Variants in DLC1 observed in about 807,000 individuals in gnomAD.
DLC1 encodes rho GTPase-activating protein 7.
A neutral mutation model predicts 140.3 loss-of-function variants in DLC1; 54 were observed. That is an observed-to-expected ratio of 0.38 (90% CI 0.31 to 0.48). The LOEUF (loss-of-function observed/expected upper bound fraction) is 0.48. DLC1 is among the 20% of genes least tolerant of loss of function. The pLI is 0.96. For synonymous variants in DLC1, 986 were observed against 728.1 expected (o/e 1.35, Z -5.70); for missense variants, 2,536 against 1,907.0 (o/e 1.33, Z -6.14).
chr8:13,364,916 C>G (rs1835407726), intron 4 of DLC1, among the ~76,000 whole-genome samples: 1 of 152,154 alleles, frequency 6.6e-6, no homozygotes, highest in Admixed American at 6.5e-5. Context: ...AATATAATTG[C>G]AATGTTTGTT....
chr8:13,302,240 A>T (rs1260382076), intron 5 of DLC1, among the ~76,000 whole-genome samples: 2 of 152,182 alleles, frequency 1.3e-5, no homozygotes, highest in Non-Finnish European at 2.9e-5. Flanking sequence ...TGCCTGCCTG[A>T]TGGGATATCC....
At chr8:13,253,010 T>C (rs577352777) in intron 5 of DLC1, among the ~76,000 whole-genome samples, 1 of 152,282 alleles carries the variant, frequency 6.6e-6, no homozygotes, top group East Asian at 1.9e-4. Flanking sequence ...CTAGAATAGG[T>C]TCACAAACAG....
intron 2 of DLC1, among the ~76,000 whole-genome samples, chr8:13,474,998 A>T (rs1263672255): frequency 6.6e-6 from 1 of 152,144 alleles, no homozygotes; most frequent in African/African-American, 2.4e-5. Context: ...GTGGTTGTTG[A>T]GAAAGAGTTT....
At chr8:13,447,310 A>G (rs1464146634) in intron 2 of DLC1, among the ~76,000 whole-genome samples, 2 of 152,222 alleles carry the variant, frequency 1.3e-5, no homozygotes, top group African/African-American at 4.8e-5. Flanking sequence ...TTAATATTAC[A>G]TAATTCTTAT....
At chr8:13,267,529 T>C (rs17128014) in intron 5 of DLC1, among the ~76,000 whole-genome samples, 12,369 of 152,176 alleles carry the variant, frequency 0.081, 575 homozygotes, top group South Asian at 0.17. Context: ...AATTTGAGAA[T>C]TGTCTACAAA....
chr8:13,180,430 C>A (rs1461078447), intron 5 of DLC1, among the ~76,000 whole-genome samples: 1 of 152,054 alleles, frequency 6.6e-6, no homozygotes, highest in African/African-American at 2.4e-5. Context: ...AAGTTCATAG[C>A]CTGCTTAAGC....
At chr8:13,503,232 T>G (rs6986861) in intron 1 of DLC1, among the ~76,000 whole-genome samples, 2 of 151,992 alleles carry the variant, frequency 1.3e-5, no homozygotes, top group East Asian at 3.9e-4. Context: ...AGAGAGATGA[T>G]GTTTCTACAA....
At chr8:13,103,412 T>C (rs972001567) in intron 7 of DLC1, among the ~76,000 whole-genome samples, 3 of 152,146 alleles carry the variant, frequency 2.0e-5, no homozygotes, top group Admixed American at 6.5e-5. Flanking sequence ...TAGTGTGAAA[T>C]GGCACACAGC....
intron 1 of DLC1, among the ~76,000 whole-genome samples, chr8:13,520,651 TA>T (rs371383414): frequency 2.0e-5 from 3 of 151,482 alleles, no homozygotes; most frequent in Non-Finnish European, 2.9e-5. Context: ...ACTTAGCAAA[TA>T]AAAAAAATAT....
intron 5 of DLC1, among the ~76,000 whole-genome samples, chr8:13,181,527 C>T (rs1287501754): frequency 6.1e-5 from 9 of 148,710 alleles, no homozygotes; most frequent in Non-Finnish European, 1.0e-4. Flanking sequence ...TGATGTTTCC[C>T]ACCTTGTGTC....
chr8:13,135,871 T>C (rs1252472228), intron 5 of DLC1, among the ~76,000 whole-genome samples: 2 of 152,222 alleles, frequency 1.3e-5, no homozygotes, highest in Non-Finnish European at 2.9e-5. Flanking sequence ...CTAATTTCAT[T>C]ACATGTCTCT....
intron 5 of DLC1, among the ~76,000 whole-genome samples, chr8:13,136,943 G>A (rs1822606659): frequency 6.6e-6 from 1 of 152,094 alleles, no homozygotes; most frequent in South Asian, 2.1e-4. Flanking sequence ...TACCTCATGA[G>A]GGTTTTACGA....
Position 13,569,879 on chromosome 8 carries a change from G to A in DLC1, c.-126+34658C>T, listed in dbSNP as rs575121753. On this transcript the variant is annotated intron_variant, in intron 1 of 1. Transcript: ENST00000631382. Reference sequence around the variant, plus strand: ...TGGGACTACAGGTGCGTGCCGCCACGCCTGGCTAAATTTCTTTATTTGTAT... The same window carrying A: ...TGGGACTACAGGTGCGTGCCGCCACACCTGGCTAAATTTCTTTATTTGTAT... 1.1e-4 allele frequency among the ~76,000 whole-genome samples: 16 copies of A among 152,154 alleles called. No individual in the cohort carries two copies. In the East Asian group the frequency reaches 1.5e-3, roughly 15 times the overall value.
intron 2 of DLC1, among the ~76,000 whole-genome samples, chr8:13,460,033 A>G (rs1190977586): frequency 6.6e-6 from 1 of 152,104 alleles, no homozygotes; most frequent in African/African-American, 2.4e-5. Flanking sequence ...GCCCCCTCTG[A>G]AACTTCCCCA....
intron 2 of DLC1, among the ~76,000 whole-genome samples, chr8:13,427,763 T>C (rs983540708): frequency 1.3e-5 from 2 of 152,206 alleles, no homozygotes; most frequent in African/African-American, 2.4e-5. Flanking sequence ...TCCTTGAGAT[T>C]AAAAAATGAA....
rs1285118947 is a variant in DLC1 at position 13,479,849 on chromosome 8, AGAAGAAGAAGAGAAAAAG to A, written c.1023+19182_1023+19199del. Among the ~76,000 whole-genome samples the A allele has an allele frequency of 1.6e-3, 72 of 45,026 alleles. 2 individuals carry two copies. The highest frequency in any genetic ancestry group is 6.3e-3 in the African/African-American group (70 of 11,134). 29.5% of individuals were successfully genotyped at this position (45,026 alleles called of 152,430 possible). ...AAGAAGAAGAAGAAGAAGAAGAAGA[AGAAGAAGAAGAGAAAAAG>A]AAAGAAAGAAAGAAAGAAAGAAAAA... On this transcript the variant is annotated intron_variant, in intron 2 of 17. Coordinates refer to ENST00000276297, the MANE Select transcript of DLC1 (RefSeq NM_182643.3).
chr8:13,278,217 G>C (rs1042254267), intron 5 of DLC1, among the ~76,000 whole-genome samples: 2 of 152,192 alleles, frequency 1.3e-5, no homozygotes, highest in Non-Finnish European at 2.9e-5. Context: ...GTGCCTGCAC[G>C]GGCCAATTCC....
chr8:13,480,245 G>A (rs1046041935), intron 2 of DLC1, among the ~76,000 whole-genome samples: 7 of 152,078 alleles, frequency 4.6e-5, no homozygotes, highest in Admixed American at 2.0e-4. Context: ...AGCCAAACAA[G>A]GACCCATAAA....
At chr8:13,342,464 T>TTA (rs1834107071) in intron 4 of DLC1, 1 of 152,206 alleles carries the variant, frequency 6.6e-6, no homozygotes, top group African/African-American at 2.4e-5. Flanking sequence ...TCAGATGTGA[T>TTA]TAGTATTTGA....
Sources: allele counts gnomAD v4.1 joint callset (sites outside exome capture counted in the v4.1 genomes callset), GRCh38; gene constraint gnomAD v4.1.1; transcripts MANE v1.5; gene names NCBI Gene and HGNC (gene_info 2026-07-23, HGNC 2026-07-21).